The following C20orf173 variants were observed in gnomAD, a reference collection of about 807,000 sequenced individuals.
The protein encoded by C20orf173 is uncharacterized protein C20orf173.
C20orf173 carries 22 observed loss-of-function variants against 26.7 expected under a neutral mutation model. That is an observed-to-expected ratio of 0.82 (90% CI 0.59 to 1.18). The LOEUF (loss-of-function observed/expected upper bound fraction) is 1.18, where lower values mean the gene tolerates loss of function less well. C20orf173 is among the 50% of genes most tolerant of loss of function. The pLI is 0.00. For missense variants in C20orf173, 210 were observed against 250.3 expected, an observed-to-expected ratio of 0.84 and a Z score of 1.09; for synonymous variants, 85 against 96.4, an observed-to-expected ratio of 0.88 and a Z score of 0.69.
intron 2 of C20orf173, 44 bp downstream of exon 2, chr20:35,529,020 CG>C (rs1568862353): frequency 2.0e-6 from 3 of 1,538,154 alleles, no homozygotes; most frequent in African/African-American, 2.7e-5. Context: ...GGGTGAGGCC[CG>C]GAAAGCATGG....
downstream of C20orf173, among the ~76,000 whole-genome samples, chr20:35,524,815 C>T (rs1382132326): frequency 3.3e-5 from 5 of 151,776 alleles, no homozygotes; most frequent in Admixed American, 1.3e-4. Flanking sequence ...TCTCCTGTCT[C>T]AGCCTCCTGA....
downstream of C20orf173, among the ~76,000 whole-genome samples, chr20:35,521,616 T>TTA (rs899974151): frequency 6.6e-6 from 1 of 151,682 alleles, no homozygotes; most frequent in Non-Finnish European, 1.5e-5. Context: ...CAGATTTTTT[T>TTA]TTTTTTTTTG....
At chr20:35,527,711 C>T (rs763816365) in intron 5 of C20orf173, among the ~76,000 whole-genome samples, 2 of 152,196 alleles carry the variant, frequency 1.3e-5, no homozygotes, top group East Asian at 1.9e-4. Context: ...CTCTGCCTCC[C>T]GGGTTCAAGC....
At chr20:35,528,368 T>C in intron 4 of C20orf173, 83 bp downstream of exon 4, 1 of 1,547,312 alleles carries the variant, frequency 6.5e-7, no homozygotes, top group South Asian at 1.2e-5. Context: ...CAATAGAAGG[T>C]CTTCCCAGAG....
chr20:35,525,283 G>C (rs1430175345), downstream of C20orf173, among the ~76,000 whole-genome samples: 1 of 152,038 alleles, frequency 6.6e-6, no homozygotes, highest in African/African-American at 2.4e-5. Flanking sequence ...CGGGCGTGAT[G>C]ACCCATGCCT....
At chr20:35,521,609 A>ATTT (rs111556808), downstream of C20orf173, among the ~76,000 whole-genome samples, 75 of 140,766 alleles carry the variant, frequency 5.3e-4, no homozygotes, top group African/African-American at 1.8e-3. Context: ...GGGAAGACAG[A>ATTT]TTTTTTTTTT....
chr20:35,529,634 G>C lies in C20orf173; in HGVS notation c.-127C>G, dbSNP rs755046633. Reference sequence around the variant, plus strand: ...AGACAGCATGTGGCTAGTCCTGAGAGGGGAAGGAATACCTCAGTGGGGGCC... The same window carrying C: ...AGACAGCATGTGGCTAGTCCTGAGACGGGAAGGAATACCTCAGTGGGGGCC... On this transcript the variant is annotated 5_prime_UTR_variant, in exon 1 of 6. Transcript: ENST00000444723. 45 of 501,714 alleles carry C rather than the reference G, an allele frequency of 9.0e-5. No homozygotes were observed. The highest frequency in any genetic ancestry group is 1.5e-4 in the Non-Finnish European group (42 of 278,862). The allele number at this position is 501,714 out of a possible 1,614,324, so 31.1% of individuals were successfully genotyped here. A position where few individuals can be genotyped will look rare whatever the true frequency, so the allele number is the denominator to read the frequency against.
chr20:35,529,028 A>G lies in C20orf173; in HGVS notation c.309+37T>C, dbSNP rs1601349449. ...GGGAGATGGGTGAGGCCCGGAAAGC[A>G]TGGGGGATATGGCCGGGCCCAGTGT... On this transcript the variant is annotated intron_variant, in intron 2 of 5. Transcript: ENST00000444723. The G allele has an allele frequency of 2.6e-6, 4 of 1,541,342 alleles. No homozygotes were observed. In the Admixed American group the frequency reaches 7.9e-5, roughly 30 times the overall value.
rs887796577 is a variant in C20orf173, at chr20:35,528,861, C to T, written c.328G>A (p.Glu110Lys). ...LWWLGMNSGS[E>K]LGKLWRKLFK... ...AGCTTCCTCCACAATTTCCCAAGCT[C>T]GCTCCCTGAGTTCATGCCCTGGAAA... The change falls in exon 3 of 6, where the codon GAG (glutamate) becomes AAG (lysine). Residue 110 changes from glutamate (E) to lysine (K), a missense_variant. Coordinates refer to ENST00000444723, the MANE Select transcript of C20orf173 (RefSeq NM_001145350.2). 12 of 1,551,426 alleles carry T rather than the reference C, an allele frequency of 7.7e-6. No individual in the cohort carries two copies. The East Asian group carries it at 2.0e-4, about 25-fold the overall frequency.
chr20:35,521,966 C>G (rs1258912538), downstream of C20orf173: 1 of 152,686 alleles, frequency 6.5e-6, no homozygotes, highest in Non-Finnish European at 1.5e-5. Context: ...CAGGAGATAT[C>G]TTACCTGGTC....
At position 35,529,433 on chromosome 20, in the gene C20orf173, A is replaced by G; in HGVS notation, c.-51-9T>C. 1 of 1,445,150 alleles carries G rather than the reference A, an allele frequency of 6.9e-7. No homozygotes were observed. The highest frequency in any genetic ancestry group is 9.2e-7 in the Non-Finnish European group (1 of 1,087,330). 89.5% of individuals were successfully genotyped at this position (1,445,150 alleles called of 1,614,324 possible). ...TAGACTGGCTTCTCTACCTGTAAGG[A>G]TGAGGGGCTGAGGCCACAGACAGCA... On this transcript the variant is annotated splice_polypyrimidine_tract_variant and intron_variant, in intron 1 of 5. Coordinates refer to ENST00000444723, the MANE Select transcript of C20orf173 (RefSeq NM_001145350.2).
chr20:35,528,717 A>T lies in C20orf173; in HGVS notation c.472T>A (p.Tyr158Asn). The T allele has an allele frequency of 1.3e-6, 2 of 1,536,046 alleles. No homozygotes were observed. The highest frequency in any genetic ancestry group is 1.8e-6 in the Non-Finnish European group (2 of 1,139,138). ...AGCACCCACCTGAAAACCACGGGGT[A>T]TTGGTCGATGTCGTTGCCAAGGCTG... ...GSSLGNDIDQ[Y>N]PVVFRNASDQ... The change falls in exon 3 of 6, where the codon TAC (tyrosine) becomes AAC (asparagine). Residue 158 changes from tyrosine to asparagine, a missense_variant. Tyr to Asn is a moderately radical substitution (Grantham distance 143, BLOSUM62 -2). Coordinates refer to ENST00000444723, the MANE Select transcript of C20orf173 (RefSeq NM_001145350.2).
downstream of C20orf173, chr20:35,522,603 T>G (rs1185037554): frequency 6.5e-6 from 1 of 152,690 alleles, no homozygotes; most frequent in African/African-American, 2.4e-5. Flanking sequence ...AAAAGGAAGT[T>G]AGGATGGTCA....
At chr20:35,524,112 G>A (rs2064489947), downstream of C20orf173, among the ~76,000 whole-genome samples, 1 of 151,924 alleles carries the variant, frequency 6.6e-6, no homozygotes. Context: ...CCGCCTCCTG[G>A]GTTCAAATGG....
Position 35,529,125 on chromosome 20 carries a change from A to G in C20orf173, c.249T>C (p.Thr83=). 1 of 1,551,668 alleles carries G rather than the reference A, an allele frequency of 6.4e-7. No individual in the cohort carries two copies. Among genetic ancestry groups the G allele is most frequent in the Non-Finnish European group, 8.7e-7 (1 of 1,146,968 alleles). The stretch of plus-strand genomic sequence containing the variant: ...CTCTTGTCCTCATCAGGTACCCCAT[A>G]GTCTTCCTGGAGCACGCATCAAGCC... The part of the protein sequence containing the change: ...WNWLDACSRK[T]MGYLMRTRES... Residue 83 remains threonine (T), a synonymous_variant, in exon 2 of 6, where the codon ACT becomes ACC. Coordinates refer to ENST00000444723, the MANE Select transcript of C20orf173 (RefSeq NM_001145350.2).
chr20:35,528,364 A>T, intron 4 of C20orf173, 80 bp from the exon 5 acceptor site: 1 of 1,547,940 alleles, frequency 6.5e-7, no homozygotes, highest in South Asian at 1.2e-5. Context: ...AAGCCAATAG[A>T]AGGTCTTCCC....
At chr20:35,525,663 A>C (rs2064498754), downstream of C20orf173, among the ~76,000 whole-genome samples, 1 of 152,192 alleles carries the variant, frequency 6.6e-6, no homozygotes, top group African/African-American at 2.4e-5. Flanking sequence ...GCAATCCCCA[A>C]AATTGGGGCT....
At chr20:35,527,658 C>G (rs2064512704) in intron 5 of C20orf173, among the ~76,000 whole-genome samples, 1 of 151,126 alleles carries the variant, frequency 6.6e-6, no homozygotes, top group South Asian at 2.1e-4. Context: ...CTCGCTCTGT[C>G]ACCAGGCTGG....
intron 5 of C20orf173, among the ~76,000 whole-genome samples, chr20:35,527,772 C>T (rs949091645): frequency 6.6e-6 from 1 of 152,228 alleles, no homozygotes; most frequent in South Asian, 2.1e-4. Context: ...GCATGCCTGG[C>T]TATTTTTTGC....
Sources: gnomAD v4.1 joint callset for allele counts (sites outside exome capture counted in the v4.1 genomes callset) on GRCh38, gnomAD v4.1.1 for gene constraint, MANE v1.5 for transcripts, NCBI Gene and HGNC (gene_info 2026-07-23, HGNC 2026-07-21) for gene names.